CYP7B1: variants seen among roughly 807,000 people sequenced by gnomAD.
The protein encoded by CYP7B1 is cytochrome P450 family 7 subfamily B member 1, also known as cytochrome P450 7B1.
In CYP7B1, 29 loss-of-function variants were observed where a neutral mutation model predicts 42.7. That is an observed-to-expected ratio of 0.68 (90% CI 0.51 to 0.93). The LOEUF (loss-of-function observed/expected upper bound fraction) is 0.93. Among genes scored for constraint, CYP7B1 ranks in the 40% least tolerant of loss-of-function variants. The pLI, the probability that CYP7B1 is intolerant of heterozygous loss-of-function variation, is 0.00. For missense variants in CYP7B1, 655 were observed against 600.5 expected, an observed-to-expected ratio of 1.09 and a Z score of -0.95; for synonymous variants, 235 against 218.2, an observed-to-expected ratio of 1.08 and a Z score of -0.68.
chr8:64,792,424 T>A (rs540832245), intron 1 of CYP7B1, among the ~76,000 whole-genome samples: 56 of 152,280 alleles, frequency 3.7e-4, no homozygotes, highest in Middle Eastern at 6.8e-3. Flanking sequence ...GTGCTCTGCA[T>A]AGACAGCTAA....
At chr8:64,646,924 C>T (rs1036775539) in intron 1 of CYP7B1, among the ~76,000 whole-genome samples, 7 of 152,206 alleles carry the variant, frequency 4.6e-5, no homozygotes, top group African/African-American at 2.4e-5. Context: ...TTTTATTTTG[C>T]ATTCACATCT....
chr8:64,678,033 C>A (rs937784958), intron 1 of CYP7B1, among the ~76,000 whole-genome samples: 2 of 152,108 alleles, frequency 1.3e-5, no homozygotes, highest in African/African-American at 4.8e-5. Flanking sequence ...TAGTTGCAAA[C>A]TCTTGCCTTA....
intron 1 of CYP7B1, among the ~76,000 whole-genome samples, chr8:64,741,382 C>T (rs752841389): frequency 4.6e-5 from 7 of 151,970 alleles, no homozygotes; most frequent in Non-Finnish European, 7.4e-5. Context: ...TGTAATGGCG[C>T]GATCTCGGCT....
chr8:64,715,304 G>A (rs779906298), intron 1 of CYP7B1, among the ~76,000 whole-genome samples: 9 of 152,166 alleles, frequency 5.9e-5, no homozygotes, highest in East Asian at 1.9e-4. Flanking sequence ...TCTTTTGGGC[G>A]AAGAGGTGGA....
At chr8:64,663,779 C>T (rs1806235219) in intron 1 of CYP7B1, among the ~76,000 whole-genome samples, 1 of 152,110 alleles carries the variant, frequency 6.6e-6, no homozygotes, top group African/African-American at 2.4e-5. Context: ...TTCATTCTTT[C>T]TCTAAGGACC....
chr8:64,721,997 C>A (rs1807243588), intron 1 of CYP7B1, among the ~76,000 whole-genome samples: 1 of 152,064 alleles, frequency 6.6e-6, no homozygotes, highest in African/African-American at 2.4e-5. Context: ...TAACTATAAA[C>A]AATTTATAAT....
intron 1 of CYP7B1, among the ~76,000 whole-genome samples, chr8:64,640,313 T>C (rs781400014): frequency 9.9e-5 from 15 of 152,016 alleles, no homozygotes; most frequent in African/African-American, 3.1e-4. Context: ...ACAAACCTCA[T>C]GAAAAAATGA....
chr8:64,680,222 T>C (rs1282694051), intron 1 of CYP7B1, among the ~76,000 whole-genome samples: 1 of 152,284 alleles, frequency 6.6e-6, no homozygotes, highest in East Asian at 1.9e-4. Context: ...TAAACTTCTT[T>C]CATCGCACCT....
At chr8:64,708,245 G>A (rs1327758162) in intron 1 of CYP7B1, among the ~76,000 whole-genome samples, 1 of 152,102 alleles carries the variant, frequency 6.6e-6, no homozygotes, top group Non-Finnish European at 1.5e-5. Flanking sequence ...GATGGTTTCA[G>A]TGAAAATCAC....
At chr8:64,762,973 C>T (rs1807911609) in intron 1 of CYP7B1, among the ~76,000 whole-genome samples, 1 of 152,092 alleles carries the variant, frequency 6.6e-6, no homozygotes, top group African/African-American at 2.4e-5. Flanking sequence ...CCCTTTGGGT[C>T]CCCTCCCACT....
intron 1 of CYP7B1, among the ~76,000 whole-genome samples, chr8:64,687,274 A>G (rs1806668278): frequency 6.6e-6 from 1 of 152,270 alleles, no homozygotes; most frequent in Admixed American, 6.5e-5. Flanking sequence ...AGAGCTATTA[A>G]TTCACGTGAC....
At chr8:64,597,957 T>A (rs1420727742) in intron 5 of CYP7B1, among the ~76,000 whole-genome samples, 2 of 152,218 alleles carry the variant, frequency 1.3e-5, no homozygotes, top group African/African-American at 4.8e-5. Context: ...GTGAAAACCT[T>A]GCAATATGTG....
intron 1 of CYP7B1, among the ~76,000 whole-genome samples, chr8:64,742,215 T>C (rs553739677): frequency 6.6e-6 from 1 of 151,740 alleles, no homozygotes; most frequent in Admixed American, 6.5e-5. Flanking sequence ...ATGTAAATAC[T>C]GAAAAAATAT....
chr8:64,686,998 C>T (rs1806662601), intron 1 of CYP7B1, among the ~76,000 whole-genome samples: 1 of 133,918 alleles, frequency 7.5e-6, no homozygotes, highest in Non-Finnish European at 1.6e-5. Context: ...CTGCGGAAGG[C>T]CGCAGGGTCC....
intron 1 of CYP7B1, among the ~76,000 whole-genome samples, chr8:64,700,954 C>T (rs531313040): frequency 1.3e-5 from 2 of 152,000 alleles, no homozygotes; most frequent in East Asian, 3.9e-4. Flanking sequence ...GTTGCAATCA[C>T]TAAAAGGTGG....
At chr8:64,771,181 C>T (rs551112415) in intron 1 of CYP7B1, among the ~76,000 whole-genome samples, 23 of 149,886 alleles carry the variant, frequency 1.5e-4, no homozygotes, top group Middle Eastern at 3.4e-3. Context: ...CTGCCTCAGC[C>T]TCCCAAGTAG....
At chr8:64,630,863 TG>T (rs1805685106) in intron 1 of CYP7B1, among the ~76,000 whole-genome samples, 1 of 152,040 alleles carries the variant, frequency 6.6e-6, no homozygotes, top group South Asian at 2.1e-4. Flanking sequence ...AACAAGAATG[TG>T]GGGGTTGGGA....
chr8:64,684,230 C>A (rs907475518), intron 1 of CYP7B1, among the ~76,000 whole-genome samples: 1 of 152,204 alleles, frequency 6.6e-6, no homozygotes, highest in Admixed American at 6.5e-5. Flanking sequence ...AGTAAGATGA[C>A]ATAGCATAAG....
intron 1 of CYP7B1, among the ~76,000 whole-genome samples, chr8:64,713,878 G>T (rs1807116812): frequency 6.6e-6 from 1 of 152,144 alleles, no homozygotes; most frequent in East Asian, 1.9e-4. Context: ...CATAGTGACT[G>T]CATTTTAAAT....
Sources: allele counts gnomAD v4.1 joint callset (sites outside exome capture counted in the v4.1 genomes callset), GRCh38; gene constraint gnomAD v4.1.1; transcripts MANE v1.5; gene names NCBI Gene and HGNC (gene_info 2026-07-23, HGNC 2026-07-21).